Variants in PDE4D observed in about 807,000 individuals in gnomAD.
The protein encoded by PDE4D is phosphodiesterase 4D.
A neutral mutation model predicts 87.4 loss-of-function variants in PDE4D; 24 were observed. That is an observed-to-expected ratio of 0.27 (90% CI 0.20 to 0.39). The LOEUF is 0.39. Ranked by LOEUF, PDE4D falls within the 10% of genes least tolerant of loss-of-function variation. The pLI is 1.00. For missense variants in PDE4D, 714 were observed against 1,041.0 expected, an observed-to-expected ratio of 0.69 and a Z score of 4.32; for synonymous variants, 384 against 383.2, an observed-to-expected ratio of 1.00 and a Z score of -0.02.
intron 6 of PDE4D, among the ~76,000 whole-genome samples, chr5:59,001,774 T>C (rs527564980): frequency 1.3e-5 from 2 of 152,370 alleles, no homozygotes; most frequent in East Asian, 1.9e-4. Context: ...TTTTCAAAAC[T>C]GTGAGACATT....
chr5:59,126,093 T>G (rs1775342562), intron 5 of PDE4D, among the ~76,000 whole-genome samples: 1 of 51,204 alleles, frequency 2.0e-5, no homozygotes, highest in African/African-American at 9.1e-5. Context: ...TAAGTACAAT[T>G]GTAAAAAAAA....
intron 1 of PDE4D, among the ~76,000 whole-genome samples, chr5:59,260,342 G>A (rs1190270991): frequency 2.0e-5 from 3 of 151,796 alleles, no homozygotes; most frequent in Non-Finnish European, 4.4e-5. Flanking sequence ...CTATATTTAG[G>A]ATGCAACTGA....
intron 5 of PDE4D, among the ~76,000 whole-genome samples, chr5:59,089,818 T>C (rs573701618): frequency 8.5e-5 from 13 of 152,310 alleles, no homozygotes; most frequent in Admixed American, 6.5e-4. Flanking sequence ...ATATAGTCTT[T>C]CATAAACTGT....
chr5:59,569,204 T>C (rs1400749918), intron 1 of PDE4D, among the ~76,000 whole-genome samples: 1 of 152,228 alleles, frequency 6.6e-6, no homozygotes, highest in Non-Finnish European at 1.5e-5. Flanking sequence ...CTCCATTTTC[T>C]ATGTCTACAT....
chr5:59,011,375 C>A (rs945507717), intron 6 of PDE4D, among the ~76,000 whole-genome samples: 3 of 152,056 alleles, frequency 2.0e-5, no homozygotes, highest in African/African-American at 7.2e-5. Context: ...TCAAACCCAT[C>A]GCAAAGAAGC....
In PDE4D at chr5:60,388,373, T is replaced by G. The variant is rs142816803; in HGVS notation, c.-90+99569A>C. On this transcript the variant is annotated intron_variant, in intron 1 of 16. Transcript: ENST00000502484. The stretch of plus-strand genomic sequence containing the variant: ...CTGGAATGAGGGTATTTTGGTTTTT[T>G]GGGGTTTTTTCTTTATTTTTTCTAA... Among the ~76,000 whole-genome samples the G allele has an allele frequency of 2.9e-4, 44 of 151,270 alleles. No individual in the cohort carries two copies. In the East Asian group the frequency reaches 7.4e-3, roughly 25 times the overall value.
At chr5:59,572,746 C>T (rs140642226) in intron 1 of PDE4D, among the ~76,000 whole-genome samples, 1 of 152,210 alleles carries the variant, frequency 6.6e-6, no homozygotes, top group Non-Finnish European at 1.5e-5. Context: ...TCCCAAAGTG[C>T]TGGGATTACA....
rs73099646 is a variant in PDE4D, at chr5:59,592,151, C to A, written c.455+301017G>T. 5,047 of 984,362 alleles carry A rather than the reference C, an allele frequency of 5.1e-3. 205 individuals carry two copies. The African/African-American group carries it at 0.081, about 16-fold the overall frequency. The allele number at this position is 984,362 out of a possible 1,614,324, so 61.0% of individuals were successfully genotyped here. ...TCTCACCTTTACAGAAAGCCAATCC[C>A]CCAGGAACAGAACAGTGTCTTCTTC... On this transcript the variant is annotated intron_variant, in intron 1 of 14. Coordinates refer to ENST00000340635, the MANE Select transcript of PDE4D (RefSeq NM_001104631.2).
At chr5:60,407,701 C>T (rs1033978694) in intron 1 of PDE4D, among the ~76,000 whole-genome samples, 5 of 151,926 alleles carry the variant, frequency 3.3e-5, no homozygotes, top group South Asian at 2.1e-4. Context: ...GATCCATCCA[C>T]CTCAGCCTCC....
In PDE4D at chr5:58,972,042, G is replaced by GT. The variant is rs1179330261; in HGVS notation, c.*2621dup. ...AAAAGAGCCTCTCTTTATTAGTGCAGTTATAAACCCTTTACCCTTTCAGGT... is the reference window on the plus strand; with the variant it reads ...AAAAGAGCCTCTCTTTATTAGTGCAGTTTATAAACCCTTTACCCTTTCAGGT... On this transcript the variant is annotated 3_prime_UTR_variant, in exon 15 of 15. Coordinates refer to ENST00000340635, the MANE Select transcript of PDE4D (RefSeq NM_001104631.2). 6.6e-6 allele frequency: 1 copy of GT among 152,466 alleles called. No homozygotes were observed. The highest frequency in any genetic ancestry group is 2.4e-5 in the African/African-American group (1 of 41,416). 9.4% of individuals were successfully genotyped at this position (152,466 alleles called of 1,614,324 possible).
At chr5:59,000,484 T>C (rs1210396247) in intron 6 of PDE4D, among the ~76,000 whole-genome samples, 3 of 152,138 alleles carry the variant, frequency 2.0e-5, no homozygotes, top group Non-Finnish European at 4.4e-5. Context: ...AATGACACAT[T>C]CCCTCACCTG....
In PDE4D at chr5:58,977,081, A is replaced by AGT. The variant is rs200532996; in HGVS notation, c.1707+109_1707+110insAC. 5 of 956,644 alleles carry AGT rather than the reference A, an allele frequency of 5.2e-6. No homozygotes were observed. The African/African-American group carries it at 8.2e-5, about 16-fold the overall frequency. The allele number at this position is 956,644 out of a possible 1,614,324, so 59.3% of individuals were successfully genotyped here. ...AGCTTCTATAACATAAAGGGCCATA[A>AGT]TATGTTTTGAAATGCAGTTCCTTTT... On this transcript the variant is annotated intron_variant, in intron 12 of 14. Transcript: ENST00000340635.
chr5:59,976,403 T>G (rs1213420033), intron 3 of PDE4D, among the ~76,000 whole-genome samples: 2 of 152,130 alleles, frequency 1.3e-5, no homozygotes, highest in Non-Finnish European at 2.9e-5. Context: ...CTTGGTGCCC[T>G]CCCTGTGGTC....
At chr5:59,735,141 C>T (rs769823356) in intron 1 of PDE4D, among the ~76,000 whole-genome samples, 7 of 152,104 alleles carry the variant, frequency 4.6e-5, no homozygotes, top group Non-Finnish European at 7.4e-5. Context: ...AAATTATTCA[C>T]TTGAATGCCA....
chr5:59,874,287 T>G (rs955447479), intron 1 of PDE4D, among the ~76,000 whole-genome samples: 6 of 152,194 alleles, frequency 3.9e-5, no homozygotes, highest in African/African-American at 1.4e-4. Context: ...CTTCTCAACA[T>G]CTCCATGGTA....
intron 5 of PDE4D, among the ~76,000 whole-genome samples, chr5:59,042,127 A>G (rs1759788688): frequency 6.6e-6 from 1 of 152,258 alleles, no homozygotes; most frequent in Non-Finnish European, 1.5e-5. Flanking sequence ...CTAACAGAGT[A>G]AAGTTTGCTC....
At chr5:60,049,053 G>C (rs1447388266) in intron 2 of PDE4D, among the ~76,000 whole-genome samples, 1 of 152,048 alleles carries the variant, frequency 6.6e-6, no homozygotes, top group East Asian at 1.9e-4. Flanking sequence ...TTCTTGGAGG[G>C]TTTGCCCGTT....
At chr5:60,467,403 A>G (rs1747446403) in intron 1 of PDE4D, among the ~76,000 whole-genome samples, 1 of 152,194 alleles carries the variant, frequency 6.6e-6, no homozygotes, top group Non-Finnish European at 1.5e-5. Context: ...CTAAGAGGCT[A>G]CTTGGAGCCC....
intron 2 of PDE4D, among the ~76,000 whole-genome samples, chr5:60,124,507 A>G (rs547679510): frequency 2.6e-5 from 4 of 152,190 alleles, no homozygotes; most frequent in African/African-American, 9.6e-5. Flanking sequence ...TGCAGCCCCC[A>G]TCACATTTAT....
Sources: gnomAD v4.1 joint callset for allele counts (sites outside exome capture counted in the v4.1 genomes callset) on GRCh38, gnomAD v4.1.1 for gene constraint, MANE v1.5 for transcripts, NCBI Gene and HGNC (gene_info 2026-07-23, HGNC 2026-07-21) for gene names.